The following PITPNC1 variants were observed in gnomAD, a reference collection of about 807,000 sequenced individuals.
PITPNC1 encodes cytoplasmic phosphatidylinositol transfer protein 1.
A neutral mutation model predicts 44.7 loss-of-function variants in PITPNC1; 18 were observed. The ratio of observed to expected loss-of-function variants is 0.40; its 90% CI spans 0.28 to 0.60. PITPNC1 has a LOEUF of 0.60. PITPNC1 is among the 20% of genes least tolerant of loss of function. PITPNC1 has a pLI of 0.39. For synonymous variants in PITPNC1, 141 were observed against 149.6 expected (o/e 0.94, Z 0.42); for missense variants, 290 against 418.4 (o/e 0.69, Z 2.68).
chr17:67,677,253 A>G (rs2042619675), intron 8 of PITPNC1, among the ~76,000 whole-genome samples: 1 of 152,236 alleles, frequency 6.6e-6, no homozygotes, highest in Admixed American at 6.5e-5. Context: ...TTAAAGAATC[A>G]TAGGTGCAAA....
At chr17:67,391,812 C>T (rs1348372342) in intron 1 of PITPNC1, among the ~76,000 whole-genome samples, 3 of 151,976 alleles carry the variant, frequency 2.0e-5, no homozygotes, top group Non-Finnish European at 2.9e-5. Context: ...ATTAAATAAC[C>T]CTTCAGGATT....
At chr17:67,403,385 T>C (rs915113642) in intron 1 of PITPNC1, among the ~76,000 whole-genome samples, 2 of 152,224 alleles carry the variant, frequency 1.3e-5, no homozygotes, top group African/African-American at 2.4e-5. Context: ...TCTCGTTAGA[T>C]ATTTTGAGAA....
chr17:67,608,940 G>T (rs1279433628), intron 5 of PITPNC1, among the ~76,000 whole-genome samples: 1 of 152,098 alleles, frequency 6.6e-6, no homozygotes, highest in African/African-American at 2.4e-5. Context: ...CAGGAATTCT[G>T]TATTAGCAAT....
At chr17:67,434,656 CA>C (rs918756741) in intron 1 of PITPNC1, among the ~76,000 whole-genome samples, 1 of 151,346 alleles carries the variant, frequency 6.6e-6, no homozygotes, top group African/African-American at 2.4e-5. Context: ...ACTAAAAATA[CA>C]AAAAAATTTG....
intron 1 of PITPNC1, among the ~76,000 whole-genome samples, chr17:67,427,765 CTT>C (rs1050283132): frequency 6.6e-5 from 10 of 152,214 alleles, no homozygotes; most frequent in African/African-American, 2.4e-4. Context: ...TTGATGGAAT[CTT>C]TGTTGAAAAT....
At chr17:67,643,258 C>T (rs1039489185) in intron 6 of PITPNC1, among the ~76,000 whole-genome samples, 4 of 152,166 alleles carry the variant, frequency 2.6e-5, no homozygotes, top group African/African-American at 7.2e-5. Context: ...TGGCGGCACG[C>T]ACCTGTAGTC....
intron 1 of PITPNC1, among the ~76,000 whole-genome samples, chr17:67,441,193 G>A (rs2039007552): frequency 6.6e-6 from 1 of 152,056 alleles, no homozygotes; most frequent in Non-Finnish European, 1.5e-5. Context: ...GCAGCAAATT[G>A]TCATCTTCTG....
intron 5 of PITPNC1, among the ~76,000 whole-genome samples, chr17:67,589,604 C>CAAAA (rs10714478): frequency 7.9e-6 from 1 of 126,428 alleles, no homozygotes; most frequent in Admixed American, 7.8e-5. Flanking sequence ...ATAATTGACT[C>CAAAA]AAAAAAAAAA....
At chr17:67,555,672 C>CAAAAAAAAA (rs67935513) in intron 4 of PITPNC1, among the ~76,000 whole-genome samples, 33 of 77,808 alleles carry the variant, frequency 4.2e-4, no homozygotes, top group Middle Eastern at 6.9e-3. Context: ...ACTAAAAATA[C>CAAAAAAAAA]AAAAAAAAAA....
intron 1 of PITPNC1, among the ~76,000 whole-genome samples, chr17:67,512,559 G>C (rs2040202512): frequency 6.7e-6 from 1 of 150,196 alleles, no homozygotes; most frequent in Non-Finnish European, 1.5e-5. Context: ...AGAACTGTTA[G>C]GCTCTATCCT....
chr17:67,410,684 G>T (rs932222555), intron 1 of PITPNC1, among the ~76,000 whole-genome samples: 15 of 151,454 alleles, frequency 9.9e-5, no homozygotes, highest in African/African-American at 3.4e-4. Context: ...CCAACCGCAC[G>T]GGCCTGGTGA....
chr17:67,477,213 C>G (rs1186896329), intron 1 of PITPNC1, among the ~76,000 whole-genome samples: 1 of 148,172 alleles, frequency 6.7e-6, no homozygotes, highest in African/African-American at 2.5e-5. Context: ...GTACCTGAGA[C>G]TACAGGTGTG....
intron 1 of PITPNC1, among the ~76,000 whole-genome samples, chr17:67,469,323 T>C (rs2039478287): frequency 6.6e-6 from 1 of 152,126 alleles, no homozygotes; most frequent in Non-Finnish European, 1.5e-5. Context: ...TCTGCACACA[T>C]TGCATATCCC....
chr17:67,380,168 G>A (rs1286672618), intron 1 of PITPNC1, among the ~76,000 whole-genome samples: 1 of 151,614 alleles, frequency 6.6e-6, no homozygotes, highest in Non-Finnish European at 1.5e-5. Flanking sequence ...TCCGCCACCT[G>A]GATTCAAGCA....
At chr17:67,594,236 A>C (rs2041430913) in intron 5 of PITPNC1, among the ~76,000 whole-genome samples, 1 of 152,218 alleles carries the variant, frequency 6.6e-6, no homozygotes, top group Non-Finnish European at 1.5e-5. Context: ...CACCCACTTC[A>C]GAGAGAATTG....
intron 1 of PITPNC1, chr17:67,525,570 G>A (rs996330175): frequency 2.0e-5 from 3 of 152,158 alleles, no homozygotes; most frequent in Admixed American, 6.5e-5. Flanking sequence ...GTCAAAATCT[G>A]GACTCACTGG....
intron 1 of PITPNC1, among the ~76,000 whole-genome samples, chr17:67,483,540 A>G (rs916175811): frequency 6.6e-6 from 1 of 152,220 alleles, no homozygotes; most frequent in Non-Finnish European, 1.5e-5. Context: ...TTTGATCAAC[A>G]TTAAGATGCG....
intron 5 of PITPNC1, among the ~76,000 whole-genome samples, chr17:67,598,175 T>C (rs2041484678): frequency 6.6e-6 from 1 of 151,948 alleles, no homozygotes; most frequent in African/African-American, 2.4e-5. Context: ...TGAGCCAAGA[T>C]CACGCCACTG....
At chr17:67,470,234 T>C (rs751034910) in intron 1 of PITPNC1, among the ~76,000 whole-genome samples, 4 of 152,194 alleles carry the variant, frequency 2.6e-5, no homozygotes, top group Non-Finnish European at 5.9e-5. Flanking sequence ...TATTGTGATA[T>C]AGCTAACATA....
Sources: allele counts gnomAD v4.1 joint callset (sites outside exome capture counted in the v4.1 genomes callset), GRCh38; gene constraint gnomAD v4.1.1; transcripts MANE v1.5; gene names NCBI Gene and HGNC (gene_info 2026-07-23, HGNC 2026-07-21).